Variants in ABHD18 observed in about 807,000 individuals in gnomAD.
ABHD18 encodes cardiolipin-specific deacylase, mitochondrial.
Under a neutral mutation model 65.9 loss-of-function variants are expected in ABHD18, and 55 were observed. The ratio of observed to expected loss-of-function variants is 0.84; its 90% CI spans 0.67 to 1.05. The LOEUF (loss-of-function observed/expected upper bound fraction) is 1.05. ABHD18 is among the 50% of genes least tolerant of loss of function. The probability of loss-of-function intolerance (pLI) is 0.00; values close to 1 mark genes in which losing one functional copy is unlikely to be tolerated. For synonymous variants in ABHD18, 181 were observed against 180.2 expected (o/e 1.00, Z -0.04); for missense variants, 533 against 558.5 (o/e 0.95, Z 0.46).
At chr4:127,973,381 GT>G (rs985969578) in intron 1 of ABHD18, among the ~76,000 whole-genome samples, 40 of 151,500 alleles carry the variant, frequency 2.6e-4, no homozygotes, top group African/African-American at 6.8e-4. Flanking sequence ...GAGTTTGGGG[GT>G]TTTTTTTTCC....
chr4:127,985,463 T>C (rs1356097924), intron 3 of ABHD18, among the ~76,000 whole-genome samples: 1 of 152,166 alleles, frequency 6.6e-6, no homozygotes, highest in Non-Finnish European at 1.5e-5. Context: ...AAACTCCTCC[T>C]CTATATCATA....
chr4:128,017,110 G>A (rs554871569), intron 7 of ABHD18, among the ~76,000 whole-genome samples: 1 of 152,164 alleles, frequency 6.6e-6, no homozygotes, highest in South Asian at 2.1e-4. Context: ...TAAAGACAAG[G>A]TTTCACCATG....
At chr4:128,006,243 G>A (rs1753582222) in intron 4 of ABHD18, among the ~76,000 whole-genome samples, 1 of 152,156 alleles carries the variant, frequency 6.6e-6, no homozygotes, top group African/African-American at 2.4e-5. Context: ...GTCACTACAT[G>A]CATTGCTATG....
At chr4:127,970,812 C>T (rs186815328) in intron 1 of ABHD18, among the ~76,000 whole-genome samples, 45 of 151,718 alleles carry the variant, frequency 3.0e-4, no homozygotes, top group African/African-American at 9.4e-4. Flanking sequence ...TGGTGACTCA[C>T]GCCTGTAATC....
intron 4 of ABHD18, among the ~76,000 whole-genome samples, chr4:128,003,116 C>G (rs1036753185): frequency 1.3e-5 from 2 of 151,964 alleles, no homozygotes; most frequent in African/African-American, 4.8e-5. Context: ...CACCTGTAAT[C>G]CCAGCACTTT....
At chr4:128,019,630 A>T (rs1469447523) in intron 8 of ABHD18, among the ~76,000 whole-genome samples, 1 of 152,238 alleles carries the variant, frequency 6.6e-6, no homozygotes, top group Non-Finnish European at 1.5e-5. Context: ...CTAATCACAC[A>T]CATTACATTA....
chr4:127,975,639 C>T (rs1579135794), intron 1 of ABHD18, among the ~76,000 whole-genome samples: 1 of 152,096 alleles, frequency 6.6e-6, no homozygotes, highest in African/African-American at 2.4e-5. Flanking sequence ...AAGCTTCTGC[C>T]AAATTCTAAA....
At chr4:127,972,201 C>T (rs1344015415) in intron 1 of ABHD18, among the ~76,000 whole-genome samples, 1 of 152,192 alleles carries the variant, frequency 6.6e-6, no homozygotes, top group East Asian at 1.9e-4. Context: ...GGGAGCATCT[C>T]CTTCCTGACG....
chr4:128,034,214 T>C (rs1281087571), intron 12 of ABHD18, among the ~76,000 whole-genome samples: 1 of 151,144 alleles, frequency 6.6e-6, no homozygotes, highest in Non-Finnish European at 1.5e-5. Context: ...TCCTTGGCCT[T>C]CCAAAGTGCT....
chr4:127,982,907 A>G, intron 1 of ABHD18, 32 bp from the exon 2 acceptor site: 3 of 1,206,174 alleles, frequency 2.5e-6, no homozygotes, highest in Non-Finnish European at 3.4e-6. Context: ...CAAATAAAAT[A>G]TTTTAAAGCC....
At chr4:127,986,705 G>A (rs1216035918) in intron 3 of ABHD18, among the ~76,000 whole-genome samples, 1 of 152,016 alleles carries the variant, frequency 6.6e-6, no homozygotes, top group Non-Finnish European at 1.5e-5. Context: ...TTCCAATTTT[G>A]CCATACTCAC....
At chr4:127,986,543 G>C (rs1005754280) in intron 3 of ABHD18, among the ~76,000 whole-genome samples, 2 of 152,132 alleles carry the variant, frequency 1.3e-5, no homozygotes, top group Non-Finnish European at 2.9e-5. Context: ...ATGAGATTTT[G>C]TGTGAACATG....
At chr4:127,989,846 A>T (rs1272249143) in intron 4 of ABHD18, 25 bp downstream of exon 4, 4 of 1,362,072 alleles carry the variant, frequency 2.9e-6, no homozygotes, top group Non-Finnish European at 4.0e-6. Context: ...GTTCAAAAAG[A>T]TGAATACATT....
chr4:127,975,670 C>A (rs1198490088), intron 1 of ABHD18, among the ~76,000 whole-genome samples: 2 of 152,142 alleles, frequency 1.3e-5, no homozygotes, highest in Non-Finnish European at 2.9e-5. Flanking sequence ...GAAAACAAAT[C>A]ATGGCTGATT....
At position 128,033,475 on chromosome 4, in the gene ABHD18, C is replaced by A. The variant is rs892469868; in HGVS notation, c.1344-2287C>A. On this transcript the variant is annotated intron_variant, in intron 12 of 12. Coordinates refer to ENST00000645843, the MANE Select transcript of ABHD18 (RefSeq NM_001358451.3). ...ATGTTGTAAAACTATGACTTCCCAA[C>A]ATATTGGAAATAATAATCTATTAGC... Among the ~76,000 whole-genome samples, 9 of 149,756 alleles carry A rather than the reference C, an allele frequency of 6.0e-5. No homozygotes were observed. The South Asian group carries it at 1.9e-3, about 32-fold the overall frequency.
chr4:127,986,545 G>A lies in ABHD18; in HGVS notation c.177+2122G>A, dbSNP rs543407498. Among the ~76,000 whole-genome samples the A allele has an allele frequency of 2.6e-5, 4 of 152,260 alleles. No homozygotes were observed. In the East Asian group the frequency reaches 7.7e-4, roughly 29 times the overall value. The stretch of plus-strand genomic sequence containing the variant: ...TGAATACTCAAGTATGAGATTTTGT[G>A]TGAACATGTTTTTAGTTCTCTTGTG... On this transcript the variant is annotated intron_variant, in intron 3 of 12. Transcript: ENST00000645843.
chr4:128,034,501 A>C (rs909861217), intron 12 of ABHD18, among the ~76,000 whole-genome samples: 2 of 152,104 alleles, frequency 1.3e-5, no homozygotes, highest in African/African-American at 2.4e-5. Context: ...TGAGGCCAAG[A>C]GTTTGAGGCT....
At chr4:128,019,515 T>C (rs1756112275) in intron 8 of ABHD18, among the ~76,000 whole-genome samples, 1 of 152,224 alleles carries the variant, frequency 6.6e-6, no homozygotes, top group South Asian at 2.1e-4. Flanking sequence ...ATCCATTTCA[T>C]GAAGCCTGCC....
At chr4:128,000,072 T>C (rs539499475) in intron 4 of ABHD18, among the ~76,000 whole-genome samples, 1 of 152,300 alleles carries the variant, frequency 6.6e-6, no homozygotes, top group South Asian at 2.1e-4. Context: ...TCATGAGACT[T>C]ATTCACTATC....
Sources: gnomAD v4.1 joint callset for allele counts (sites outside exome capture counted in the v4.1 genomes callset) on GRCh38, gnomAD v4.1.1 for gene constraint, MANE v1.5 for transcripts, NCBI Gene and HGNC (gene_info 2026-07-23, HGNC 2026-07-21) for gene names.